COL8A1: variants seen among roughly 807,000 people sequenced by gnomAD.
COL8A1 encodes the protein collagen alpha-1(VIII) chain.
Under a neutral mutation model 42.7 loss-of-function variants are expected in COL8A1, and 21 were observed. The ratio of observed to expected loss-of-function variants is 0.49; its 90% CI spans 0.35 to 0.71. The LOEUF (loss-of-function observed/expected upper bound fraction) is 0.71. COL8A1 is among the 30% of genes least tolerant of loss of function. The probability of loss-of-function intolerance (pLI) is 0.01; values close to 1 mark genes in which losing one functional copy is unlikely to be tolerated. For synonymous variants in COL8A1, 367 were observed against 369.1 expected (o/e 0.99, Z 0.06); for missense variants, 788 against 962.4 (o/e 0.82, Z 2.40).
At chr3:99,699,788 C>G (rs568414767) in intron 1 of COL8A1, among the ~76,000 whole-genome samples, 1 of 152,248 alleles carries the variant, frequency 6.6e-6, no homozygotes, top group South Asian at 2.1e-4. Flanking sequence ...CTTTCTCTCT[C>G]CCCCGTCCCA....
rs1301693218 is a variant in COL8A1, at chr3:99,794,641, T to TGCCAGGTGC, written c.749_757dup (p.Ala250_Gly252dup). The TGCCAGGTGC allele has an allele frequency of 6.2e-7, 1 of 1,613,522 alleles. No homozygotes were observed. The highest frequency in any genetic ancestry group is 8.5e-7 in the Non-Finnish European group (1 of 1,179,798). ...CCTAAAGGAGACAAGGGCTTCGGGA[T>TGCCAGGTGC]GCCAGGTGCGCCAGGTGTAAAGGGG... is the stretch of plus-strand genomic sequence containing the variant. On this transcript the variant is annotated inframe_insertion, in exon 4 of 4. Coordinates refer to ENST00000652472, the MANE Select transcript of COL8A1 (RefSeq NM_020351.4). The surrounding 1 kb of genome is among the most constrained non-coding windows in gnomAD (Gnocchi z 4.3).
chr3:99,776,790 G>A (rs1218803454), intron 2 of COL8A1, among the ~76,000 whole-genome samples: 1 of 152,192 alleles, frequency 6.6e-6, no homozygotes, highest in African/African-American at 2.4e-5. Flanking sequence ...TAAACAAGGG[G>A]TGGATTCATG....
intron 2 of COL8A1, among the ~76,000 whole-genome samples, chr3:99,773,661 T>C (rs1425737682): frequency 2.0e-5 from 3 of 150,854 alleles, no homozygotes; most frequent in African/African-American, 4.9e-5. Context: ...TTTATTTCTA[T>C]ATCCAATCAG....
At chr3:99,738,552 G>A (rs1164312117) in intron 1 of COL8A1, among the ~76,000 whole-genome samples, 1 of 152,230 alleles carries the variant, frequency 6.6e-6, no homozygotes, top group Non-Finnish European at 1.5e-5. Context: ...CAGGGGTCAG[G>A]GACCCACTTG....
At chr3:99,674,815 T>C (rs1176707770) in intron 1 of COL8A1, among the ~76,000 whole-genome samples, 1 of 152,090 alleles carries the variant, frequency 6.6e-6, no homozygotes, top group Admixed American at 6.6e-5. Context: ...CAGAGACTTA[T>C]TTATTGAATA....
rs573117236 is a variant in COL8A1 at position 99,700,014 on chromosome 3, G to A, written c.-128-44883G>A. On this transcript the variant is annotated intron_variant, in intron 1 of 3. Transcript: ENST00000652472. ...CAGTGCCTCCCCAGTGCTAATGTGCGCATGAGTCATCTAGGGATGTCACGA... is the reference window on the plus strand; with the variant it reads ...CAGTGCCTCCCCAGTGCTAATGTGCACATGAGTCATCTAGGGATGTCACGA... Among the ~76,000 whole-genome samples the A allele has an allele frequency of 9.8e-5, 15 of 152,302 alleles. No individual in the cohort carries two copies. In the South Asian group the frequency reaches 1.7e-3, roughly 17 times the overall value.
chr3:99,680,787 A>G (rs1045322105), intron 1 of COL8A1, among the ~76,000 whole-genome samples: 4 of 152,220 alleles, frequency 2.6e-5, no homozygotes, highest in Admixed American at 2.6e-4. Flanking sequence ...GTACCAAAAC[A>G]GAGATATAGA....
At chr3:99,751,419 G>T (rs1047608787) in intron 2 of COL8A1, among the ~76,000 whole-genome samples, 1 of 152,258 alleles carries the variant, frequency 6.6e-6, no homozygotes. Flanking sequence ...TTAGCCAGGT[G>T]TGGTGGTGGG....
chr3:99,698,954 C>T (rs753752948), intron 1 of COL8A1, among the ~76,000 whole-genome samples: 6 of 151,988 alleles, frequency 3.9e-5, no homozygotes, highest in Admixed American at 6.6e-5. Context: ...TCCATAGAAG[C>T]GGGGAAGATA....
At chr3:99,714,623 T>TC (rs1939942826) in intron 1 of COL8A1, among the ~76,000 whole-genome samples, 1 of 152,114 alleles carries the variant, frequency 6.6e-6, no homozygotes, top group Non-Finnish European at 1.5e-5. Flanking sequence ...CCTGTTTCCA[T>TC]CCATTTATCC....
rs1048990979 is a variant in COL8A1, at chr3:99,674,969, G to A, written c.-129+36305G>A. Among the ~76,000 whole-genome samples the A allele has an allele frequency of 7.9e-5, 12 of 152,048 alleles. No homozygotes were observed. The East Asian group carries it at 1.5e-3, about 20-fold the overall frequency. ...AGCTTTGGGTGCTCAGTTTTCTTTC[G>A]GGGAATACTAGGGGATGAGATTCAA... On this transcript the variant is annotated intron_variant, in intron 1 of 3. Transcript: ENST00000652472.
chr3:99,648,683 A>C (rs150518534), intron 1 of COL8A1, among the ~76,000 whole-genome samples: 1 of 152,176 alleles, frequency 6.6e-6, no homozygotes, highest in East Asian at 1.9e-4. Flanking sequence ...ACAGTCTAGC[A>C]TGTCATTCTT....
chr3:99,737,338 T>G (rs1283589400), intron 1 of COL8A1, among the ~76,000 whole-genome samples: 1 of 152,146 alleles, frequency 6.6e-6, no homozygotes. Flanking sequence ...GTCTTTACAT[T>G]TTGGCATGAT....
At chr3:99,693,828 A>G (rs1465488692) in intron 1 of COL8A1, among the ~76,000 whole-genome samples, 3 of 152,326 alleles carry the variant, frequency 2.0e-5, no homozygotes, top group Admixed American at 2.0e-4. Context: ...ACATTCACTC[A>G]CCACTCACTC....
chr3:99,750,036 T>G (rs1359231134), intron 2 of COL8A1, among the ~76,000 whole-genome samples: 2 of 148,960 alleles, frequency 1.3e-5, no homozygotes, highest in Non-Finnish European at 3.0e-5. Context: ...CAACTTCTTT[T>G]TCTTTTTTTC....
intron 1 of COL8A1, among the ~76,000 whole-genome samples, chr3:99,724,508 A>T (rs1325579255): frequency 2.0e-5 from 3 of 152,062 alleles, no homozygotes; most frequent in Non-Finnish European, 4.4e-5. Context: ...TCAAGTTCAC[A>T]GTAACTTGTT....
intron 1 of COL8A1, among the ~76,000 whole-genome samples, chr3:99,660,057 C>G (rs1414063761): frequency 6.6e-6 from 1 of 152,210 alleles, no homozygotes; most frequent in Non-Finnish European, 1.5e-5. Context: ...CCCAGCTTCT[C>G]TGGTTTTTAA....
intron 1 of COL8A1, among the ~76,000 whole-genome samples, chr3:99,730,587 C>G (rs1037083403): frequency 1.3e-5 from 2 of 151,964 alleles, no homozygotes; most frequent in Non-Finnish European, 2.9e-5. Flanking sequence ...AAACTAGCCT[C>G]CAAAAATGAA....
intron 1 of COL8A1, among the ~76,000 whole-genome samples, chr3:99,710,615 G>C (rs1377998308): frequency 6.6e-6 from 1 of 152,176 alleles, no homozygotes; most frequent in Non-Finnish European, 1.5e-5. Context: ...CTACTGTCAG[G>C]AGGAGCAGCC....
Sources: allele counts gnomAD v4.1 joint callset (sites outside exome capture counted in the v4.1 genomes callset), GRCh38; gene constraint gnomAD v4.1.1; non-coding constraint Gnocchi (gnomAD v3.1); transcripts MANE v1.5; gene names NCBI Gene and HGNC (gene_info 2026-07-23, HGNC 2026-07-21).